The following CNTN5 variants were observed in gnomAD, a reference collection of about 807,000 sequenced individuals.
The protein encoded by CNTN5 is contactin 5.
Under a neutral mutation model 129.1 loss-of-function variants are expected in CNTN5, and 77 were observed. The ratio of observed to expected loss-of-function variants is 0.60; its 90% CI spans 0.50 to 0.72. The LOEUF is 0.72. Among genes scored for constraint, CNTN5 ranks in the 30% least tolerant of loss-of-function variants. The pLI is 0.00. For synonymous variants in CNTN5, 509 were observed against 465.6 expected (o/e 1.09, Z -1.20); for missense variants, 1,478 against 1,328.8 (o/e 1.11, Z -1.75).
chr11:99,879,529 A>G (rs1270456727), intron 6 of CNTN5, among the ~76,000 whole-genome samples: 1 of 152,200 alleles, frequency 6.6e-6, no homozygotes, highest in African/African-American at 2.4e-5. Context: ...CTACAGGTTT[A>G]AGAAACTTCT....
chr11:99,455,780 A>T (rs1944474830), intron 2 of CNTN5, among the ~76,000 whole-genome samples: 1 of 152,204 alleles, frequency 6.6e-6, no homozygotes, highest in Admixed American at 6.5e-5. Context: ...AAAAGGGAAA[A>T]AAAGCATGAA....
intron 3 of CNTN5, among the ~76,000 whole-genome samples, chr11:99,624,752 T>TA (rs1439387828): frequency 5.3e-5 from 8 of 152,182 alleles, no homozygotes; most frequent in Non-Finnish European, 7.4e-5. Flanking sequence ...ATGTGACTGA[T>TA]ACATGTCTGA....
Position 99,844,957 on chromosome 11 carries a change from A to G in CNTN5, c.383A>G (p.Asn128Ser). Reference sequence around the variant, plus strand: ...GCATTGAATTGTGAAGTTCGTGGCAATCCAGTTCCCAGTTACAGGTAGGAA... The same window carrying G: ...GCATTGAATTGTGAAGTTCGTGGCAGTCCAGTTCCCAGTTACAGGTAGGAA... Reference protein sequence around the residue: ...KVALNCEVRGNPVPSYRWLRN... With the variant: ...KVALNCEVRGSPVPSYRWLRN... The change falls in exon 5 of 25, where the codon AAT becomes AGT. Residue 128 changes from asparagine (N) to serine (S), a missense_variant. Physicochemically the swap from Asn to Ser is conservative, Grantham distance 46 (BLOSUM62 1). Coordinates refer to ENST00000524871, the MANE Select transcript of CNTN5 (RefSeq NM_014361.4). 6.2e-7 allele frequency: 1 copy of G among 1,613,392 alleles called. No homozygotes were observed. Among genetic ancestry groups the G allele is most frequent in the Non-Finnish European group, 8.5e-7 (1 of 1,179,720 alleles).
chr11:99,813,183 AAAAG>A (rs1946481893), intron 3 of CNTN5, among the ~76,000 whole-genome samples: 1 of 152,184 alleles, frequency 6.6e-6, no homozygotes, highest in African/African-American at 2.4e-5. Context: ...AAACTTGGAA[AAAAG>A]AATGTTAGAG....
chr11:99,342,966 C>CA (rs1020278660), intron 2 of CNTN5, among the ~76,000 whole-genome samples: 2 of 151,798 alleles, frequency 1.3e-5, no homozygotes, highest in Non-Finnish European at 2.9e-5. Flanking sequence ...ATATACAAAA[C>CA]AAAAAACAAA....
chr11:99,055,023 G>T (rs567768985), intron 1 of CNTN5, among the ~76,000 whole-genome samples: 1 of 151,950 alleles, frequency 6.6e-6, no homozygotes, highest in East Asian at 1.9e-4. Context: ...TACCTAGAAG[G>T]CTTATTAAAA....
At chr11:100,006,506 T>C (rs1190379155) in intron 9 of CNTN5, among the ~76,000 whole-genome samples, 1 of 152,150 alleles carries the variant, frequency 6.6e-6, no homozygotes, top group Non-Finnish European at 1.5e-5. Context: ...TTTCCAGGAC[T>C]ACACTAACTC....
At chr11:99,894,188 G>T (rs1298671119) in intron 6 of CNTN5, among the ~76,000 whole-genome samples, 1 of 152,102 alleles carries the variant, frequency 6.6e-6, no homozygotes, top group Non-Finnish European at 1.5e-5. Context: ...GCTCATGGTG[G>T]CATAGTTCAC....
intron 15 of CNTN5, 126 bp from the exon 16 acceptor site, chr11:100,224,566 T>C: frequency 7.8e-6 from 6 of 770,148 alleles, no homozygotes; most frequent in Non-Finnish European, 1.2e-5. Context: ...GATTTCTGAA[T>C]TGTTGTTAGA....
At chr11:100,239,973 AATAGAACTGTT>A (rs149391944) in intron 16 of CNTN5, among the ~76,000 whole-genome samples, 38 of 152,368 alleles carry the variant, frequency 2.5e-4, no homozygotes, top group African/African-American at 9.1e-4. Context: ...TAACTCAAGA[AATAGAACTGTT>A]ATTAGTAAAC....
At chr11:99,479,577 C>G (rs1005228328) in intron 2 of CNTN5, among the ~76,000 whole-genome samples, 1 of 151,880 alleles carries the variant, frequency 6.6e-6, no homozygotes, top group Non-Finnish European at 1.5e-5. Flanking sequence ...CTTTTCTTAC[C>G]TTTGCATTTT....
intron 1 of CNTN5, among the ~76,000 whole-genome samples, chr11:99,236,807 A>G (rs1039122957): frequency 1.3e-5 from 2 of 151,928 alleles, no homozygotes; most frequent in Non-Finnish European, 2.9e-5. Context: ...TGCATATTTC[A>G]TCAGATGAAA....
intron 2 of CNTN5, among the ~76,000 whole-genome samples, chr11:99,491,412 G>A (rs1432705946): frequency 2.0e-5 from 3 of 152,036 alleles, no homozygotes; most frequent in Admixed American, 2.0e-4. Context: ...AATGATCAGA[G>A]GAATCCTTAT....
intron 1 of CNTN5, among the ~76,000 whole-genome samples, chr11:99,081,825 A>C (rs972727031): frequency 1.3e-5 from 2 of 152,170 alleles, no homozygotes; most frequent in Non-Finnish European, 2.9e-5. Flanking sequence ...GGATCTTATC[A>C]ATTATTAAGA....
intron 8 of CNTN5, among the ~76,000 whole-genome samples, chr11:99,966,377 G>T (rs1951093847): frequency 6.6e-6 from 1 of 152,176 alleles, no homozygotes; most frequent in African/African-American, 2.4e-5. Flanking sequence ...TAAGAGATGT[G>T]ATGGCATTGA....
intron 19 of CNTN5, 109 bp from the exon 20 acceptor site, chr11:100,299,053 G>T: frequency 1.5e-6 from 1 of 680,104 alleles, no homozygotes; most frequent in Non-Finnish European, 2.4e-6. Flanking sequence ...AAAGATTTGA[G>T]ATTCTCCCTT....
At chr11:99,576,185 G>A (rs1949344882) in intron 3 of CNTN5, among the ~76,000 whole-genome samples, 1 of 152,168 alleles carries the variant, frequency 6.6e-6, no homozygotes, top group Admixed American at 6.5e-5. Flanking sequence ...GAGAGTGGAG[G>A]AATGAGAGAT....
chr11:99,947,937 A>G, intron 7 of CNTN5, among the ~76,000 whole-genome samples: 1 of 152,356 alleles, frequency 6.6e-6, no homozygotes, highest in South Asian at 2.1e-4. Context: ...TTTAATTCAT[A>G]GAGCTAAGTT....
At chr11:99,165,853 A>C (rs1269083145) in intron 1 of CNTN5, among the ~76,000 whole-genome samples, 1 of 152,174 alleles carries the variant, frequency 6.6e-6, no homozygotes, top group Non-Finnish European at 1.5e-5. Flanking sequence ...CTGACCAGCT[A>C]TCATTAGAAA....
Sources: allele counts gnomAD v4.1 joint callset (sites outside exome capture counted in the v4.1 genomes callset), GRCh38; gene constraint gnomAD v4.1.1; transcripts MANE v1.5; gene names NCBI Gene and HGNC (gene_info 2026-07-23, HGNC 2026-07-21).